The following NMBR variants were observed in gnomAD, a reference collection of about 807,000 sequenced individuals.
NMBR encodes neuromedin B receptor, also known as neuromedin-B receptor.
A neutral mutation model predicts 20.5 loss-of-function variants in NMBR; 16 were observed. The ratio of observed to expected loss-of-function variants is 0.78; its 90% confidence interval spans 0.53 to 1.19. The LOEUF (loss-of-function observed/expected upper bound fraction) is 1.19. Ranked by LOEUF, NMBR falls within the 50% of genes most tolerant of loss-of-function variation. The pLI is 0.00. For missense variants in NMBR, 582 were observed against 499.1 expected (o/e 1.17, Z -1.58); for synonymous variants, 212 against 196.6 (o/e 1.08, Z -0.65).
At chr6:142,124,370 G>A (rs1255469929) in intron 1 of NMBR, among the ~76,000 whole-genome samples, 1 of 151,706 alleles carries the variant, frequency 6.6e-6, no homozygotes, top group Non-Finnish European at 1.5e-5. Context: ...TGAAAATATT[G>A]TTTTTAGAGA....
intron 1 of NMBR, among the ~76,000 whole-genome samples, chr6:142,117,507 A>G (rs1164813776): frequency 6.6e-6 from 1 of 151,944 alleles, no homozygotes; most frequent in African/African-American, 2.4e-5. Flanking sequence ...ATCAGCTTTC[A>G]AAAGCTAAAT....
rs564409991 is a variant in NMBR, at chr6:142,135,542, T to C, written c.-664+11502A>G. On this transcript the variant is annotated intron_variant, in intron 1 of 3. Coordinates refer to ENST00000258042, the MANE Select transcript of NMBR (RefSeq NM_002511.4). ...TAAGTTTTAGGGTACATGTGCACAA[T>C]GTGCAGGTTAGTTACATATGTATAC... Among the ~76,000 whole-genome samples, 5 of 152,018 alleles carry C rather than the reference T, an allele frequency of 3.3e-5. No homozygotes were observed. In the South Asian group the frequency reaches 6.2e-4, roughly 19 times the overall value.
chr6:142,105,668 G>T (rs1415451461), intron 1 of NMBR, among the ~76,000 whole-genome samples: 1 of 151,852 alleles, frequency 6.6e-6, no homozygotes, highest in Non-Finnish European at 1.5e-5. Flanking sequence ...TTGTTTATAT[G>T]TTCTGTATAC....
chr6:142,134,569 G>A (rs770641739), intron 1 of NMBR: 4 of 599,300 alleles, frequency 6.7e-6, no homozygotes, highest in Non-Finnish European at 1.2e-5. Flanking sequence ...CCTGGTTCCT[G>A]GAGCTCTTTT....
chr6:142,109,955 T>G (rs951625678), intron 1 of NMBR, among the ~76,000 whole-genome samples: 1 of 152,116 alleles, frequency 6.6e-6, no homozygotes, highest in African/African-American at 2.4e-5. Flanking sequence ...TTCCCAGACT[T>G]CAGAACTGCG....
At chr6:142,099,890 G>T (rs1231523374) in intron 1 of NMBR, among the ~76,000 whole-genome samples, 1 of 151,954 alleles carries the variant, frequency 6.6e-6, no homozygotes, top group Non-Finnish European at 1.5e-5. Flanking sequence ...AAAATCCAAT[G>T]AAAAAGAGGA....
chr6:142,090,133 AAATCACC>A (rs1211230694), intron 1 of NMBR, among the ~76,000 whole-genome samples: 1 of 152,144 alleles, frequency 6.6e-6, no homozygotes, highest in African/African-American at 2.4e-5. Context: ...ACAGTTTCCC[AAATCACC>A]ACCATCTGAG....
intron 1 of NMBR, among the ~76,000 whole-genome samples, chr6:142,116,818 G>T (rs1212286282): frequency 2.0e-5 from 3 of 151,846 alleles, no homozygotes; most frequent in Admixed American, 2.0e-4. Flanking sequence ...TACTGTAAAT[G>T]TTATTCACTG....
intron 2 of NMBR, among the ~76,000 whole-genome samples, chr6:142,086,591 C>A (rs1055044809): frequency 6.6e-6 from 1 of 152,076 alleles, no homozygotes; most frequent in African/African-American, 2.4e-5. Context: ...ACAAGGGTAG[C>A]CTACGGACCA....
chr6:142,087,985 G>A (rs1463903791), intron 2 of NMBR, among the ~76,000 whole-genome samples: 1 of 152,162 alleles, frequency 6.6e-6, no homozygotes, highest in African/African-American at 2.4e-5. Flanking sequence ...ACTAGGAGAT[G>A]CAATTTTAAA....
intron 1 of NMBR, among the ~76,000 whole-genome samples, chr6:142,123,508 C>T (rs1404421876): frequency 6.6e-6 from 1 of 151,926 alleles, no homozygotes; most frequent in Non-Finnish European, 1.5e-5. Context: ...GGGTAAAATA[C>T]TGTCAAAAAG....
At chr6:142,144,753 T>A (rs1161791598) in intron 1 of NMBR, among the ~76,000 whole-genome samples, 1 of 152,094 alleles carries the variant, frequency 6.6e-6, no homozygotes, top group Non-Finnish European at 1.5e-5. Context: ...ATGAAAGGGT[T>A]AGCATATTTA....
At chr6:142,081,489 A>G (rs75491844) in intron 2 of NMBR, among the ~76,000 whole-genome samples, 3,558 of 152,300 alleles carry the variant, frequency 0.023, 152 homozygotes, top group African/African-American at 0.08. Flanking sequence ...GCAAGAAAAG[A>G]TAGACCCCAA....
At position 142,088,217 on chromosome 6, in the gene NMBR, A is replaced by G. The variant is rs1777236038; in HGVS notation, c.422+20T>C. The G allele has an allele frequency of 6.3e-7, 1 of 1,599,914 alleles. No individual in the cohort carries two copies. The highest frequency in any genetic ancestry group is 1.3e-5 in the African/African-American group (1 of 74,698). ...TCTCCACGACTTTTCCAAGCCACTC[A>G]CAGCTACCTGTGCTCTTACCTGTCG... On this transcript the variant is annotated intron_variant, in intron 2 of 3. Transcript: ENST00000258042.
Position 142,078,775 on chromosome 6 carries a change from A to T in NMBR, c.551T>A (p.Val184Glu). The T allele has an allele frequency of 1.9e-6, 3 of 1,613,962 alleles. No homozygotes were observed. The highest frequency in any genetic ancestry group is 2.5e-6 in the Non-Finnish European group (3 of 1,180,002). Residue 184 changes from valine (V) to glutamate (E), a missense_variant, in exon 3 of 4, where the codon GTG becomes GAG. Transcript: ENST00000258042. Reference sequence around the variant, plus strand: ...ATTATCCAAGCTACTGATGCGAGCCACTTCTGAAAACACCGCTTCGGGAAC... The same window carrying T: ...ATTATCCAAGCTACTGATGCGAGCCTCTTCTGAAAACACCGCTTCGGGAAC... ...LAVPEAVFSE[V>E]ARISSLDNSS...
intron 1 of NMBR, chr6:142,135,025 T>G: frequency 2.3e-6 from 1 of 443,842 alleles, no homozygotes; most frequent in Admixed American, 4.0e-5. Context: ...TCAATGTGTC[T>G]GAAATTTTTG....
At position 142,078,811 on chromosome 6, in the gene NMBR, A is replaced by C; in HGVS notation, c.515T>G (p.Val172Gly). Residue 172 changes from valine (V) to glycine (G), a missense_variant, in exon 3 of 4, where the codon GTG becomes GGG. By Grantham distance (109) the Val-to-Gly change is moderately radical. Coordinates refer to ENST00000258042, the MANE Select transcript of NMBR (RefSeq NM_002511.4). ...VKAMGIWVVSVLLAVPEAVFS... is the reference protein window; with the variant it reads ...VKAMGIWVVSGLLAVPEAVFS... ...CACCGCTTCGGGAACTGCCAGCAAC[A>C]CGGAGACCACCCAGATACCCATGGC... 1 of 1,614,022 alleles carries C rather than the reference A, an allele frequency of 6.2e-7. No homozygotes were observed. Among genetic ancestry groups the C allele is most frequent in the Non-Finnish European group, 8.5e-7 (1 of 1,180,006 alleles).
At chr6:142,079,474 T>A (rs1417412476) in intron 2 of NMBR, among the ~76,000 whole-genome samples, 1 of 152,164 alleles carries the variant, frequency 6.6e-6, no homozygotes, top group East Asian at 1.9e-4. Flanking sequence ...GTTTACCTCT[T>A]AAATTCTTCT....
At chr6:142,092,268 C>A (rs1418298690) in intron 1 of NMBR, among the ~76,000 whole-genome samples, 1 of 152,010 alleles carries the variant, frequency 6.6e-6, no homozygotes, top group Non-Finnish European at 1.5e-5. Context: ...TCAAAGTCAG[C>A]TGCATGTAGA....
Sources: gnomAD v4.1 joint callset for allele counts (sites outside exome capture counted in the v4.1 genomes callset) on GRCh38, gnomAD v4.1.1 for gene constraint, MANE v1.5 for transcripts, NCBI Gene and HGNC (gene_info 2026-07-23, HGNC 2026-07-21) for gene names.